The following MCTP2 variants were observed in gnomAD, a reference collection of about 807,000 sequenced individuals.
MCTP2 encodes multiple C2 and transmembrane domain containing 2.
Under a neutral mutation model 111.6 loss-of-function variants are expected in MCTP2, and 132 were observed. The observed-to-expected ratio is 1.18, with a 90% CI of 1.03 to 1.37. MCTP2 has a LOEUF of 1.37. Among genes scored for constraint, MCTP2 ranks in the 40% most tolerant of loss-of-function variants. The pLI, the probability that MCTP2 is intolerant of heterozygous loss-of-function variation, is 0.00. For synonymous variants in MCTP2, 395 were observed against 387.7 expected (o/e 1.02, Z -0.22); for missense variants, 1,183 against 1,067.9 (o/e 1.11, Z -1.50).
intron 10 of MCTP2, among the ~76,000 whole-genome samples, chr15:94,364,432 A>G (rs1427931691): frequency 1.3e-5 from 2 of 152,224 alleles, no homozygotes; most frequent in East Asian, 1.9e-4. Flanking sequence ...CTAGAAAGAC[A>G]TAAGAGCCCA....
chr15:94,432,501 G>C, intron 17 of MCTP2, among the ~76,000 whole-genome samples: 1 of 152,044 alleles, frequency 6.6e-6, no homozygotes, highest in Non-Finnish European at 1.5e-5. Flanking sequence ...GGCCATGTTG[G>C]CTAGATTCCC....
intron 1 of MCTP2, among the ~76,000 whole-genome samples, chr15:94,246,074 A>T (rs2071981199): frequency 1.3e-5 from 2 of 151,976 alleles, no homozygotes; most frequent in Admixed American, 6.6e-5. Flanking sequence ...GGGACTGGCA[A>T]AGGCTTGGGG....
intron 10 of MCTP2, among the ~76,000 whole-genome samples, chr15:94,365,840 G>T (rs1567538219): frequency 6.6e-6 from 1 of 152,086 alleles, no homozygotes; most frequent in Non-Finnish European, 1.5e-5. Context: ...AAAAGAATGT[G>T]CCATCAATAG....
At chr15:94,402,733 G>A (rs964059478) in intron 17 of MCTP2, 43 of 1,436,858 alleles carry the variant, frequency 3.0e-5, no homozygotes, top group Non-Finnish European at 3.9e-5. Flanking sequence ...AATTGGTAAT[G>A]TCAGCCATGG....
At chr15:94,462,934 T>C (rs914780197) in intron 20 of MCTP2, among the ~76,000 whole-genome samples, 2 of 152,248 alleles carry the variant, frequency 1.3e-5, no homozygotes, top group Non-Finnish European at 2.9e-5. Context: ...GACTTGACTT[T>C]CTTCTTGTGT....
chr15:94,307,248 G>T (rs77771633), intron 2 of MCTP2, among the ~76,000 whole-genome samples: 1 of 152,196 alleles, frequency 6.6e-6, no homozygotes, highest in Non-Finnish European at 1.5e-5. Context: ...GTGTCATGGA[G>T]AGAAAGAAAG....
intron 1 of MCTP2, among the ~76,000 whole-genome samples, chr15:94,233,219 G>T (rs745359396): frequency 3.0e-4 from 45 of 152,094 alleles, no homozygotes; most frequent in Admixed American, 6.5e-4. Flanking sequence ...GTGTGGTCAA[G>T]CTGTGACCTA....
intron 12 of MCTP2, among the ~76,000 whole-genome samples, chr15:94,383,005 G>C (rs2080239221): frequency 6.6e-6 from 1 of 152,252 alleles, no homozygotes; most frequent in South Asian, 2.1e-4. Context: ...GCAAATATGG[G>C]AGATAGCGTA....
intron 17 of MCTP2, among the ~76,000 whole-genome samples, chr15:94,410,490 C>CA (rs1433438911): frequency 6.6e-6 from 1 of 151,526 alleles, no homozygotes; most frequent in Admixed American, 6.6e-5. Flanking sequence ...CTTTCAGAGA[C>CA]AGAGGCGGAG....
intron 1 of MCTP2, among the ~76,000 whole-genome samples, chr15:94,250,209 C>T (rs567436635): frequency 2.8e-4 from 43 of 152,242 alleles, no homozygotes; most frequent in African/African-American, 1.0e-3. Flanking sequence ...TTAATGGCTG[C>T]ATTAGTGAAA....
intron 1 of MCTP2, among the ~76,000 whole-genome samples, chr15:94,242,948 TA>T (rs2071099578): frequency 7.4e-6 from 1 of 135,728 alleles, no homozygotes; most frequent in Non-Finnish European, 1.6e-5. Context: ...TATATGTAGA[TA>T]CACATATACA....
intron 1 of MCTP2, among the ~76,000 whole-genome samples, chr15:94,243,429 G>A (rs1263003257): frequency 1.4e-5 from 2 of 147,320 alleles, no homozygotes; most frequent in African/African-American, 5.0e-5. Flanking sequence ...GCGTATATGC[G>A]TATGTACATA....
chr15:94,399,807 C>G (rs1438982711), intron 15 of MCTP2, 114 bp from the exon 16 acceptor site: 1 of 854,698 alleles, frequency 1.2e-6, no homozygotes, highest in East Asian at 2.4e-5. Flanking sequence ...TTGCTCCCTG[C>G]TAAGGTCAGA....
chr15:94,293,226 A>G (rs2075109890), intron 1 of MCTP2, among the ~76,000 whole-genome samples: 1 of 152,162 alleles, frequency 6.6e-6, no homozygotes, highest in African/African-American at 2.4e-5. Context: ...TATCAAAATT[A>G]AAAACTTTTA....
chr15:94,318,858 CA>C (rs1450018252), intron 4 of MCTP2, among the ~76,000 whole-genome samples: 7 of 152,182 alleles, frequency 4.6e-5, no homozygotes, highest in Non-Finnish European at 8.8e-5. Context: ...GCTCTAACCC[CA>C]GCCATTGTCA....
At chr15:94,280,144 A>G (rs140297982) in intron 1 of MCTP2, among the ~76,000 whole-genome samples, 3 of 152,240 alleles carry the variant, frequency 2.0e-5, no homozygotes, top group East Asian at 3.9e-4. Flanking sequence ...TTGATTTTTT[A>G]AAAATAATTT....
chr15:94,244,314 A>T (rs574352961), intron 1 of MCTP2, among the ~76,000 whole-genome samples: 1 of 148,636 alleles, frequency 6.7e-6, no homozygotes, highest in Admixed American at 6.7e-5. Flanking sequence ...TTATATACAC[A>T]TATGTATACA....
At chr15:94,293,497 G>A (rs996805132) in intron 1 of MCTP2, among the ~76,000 whole-genome samples, 3 of 152,136 alleles carry the variant, frequency 2.0e-5, no homozygotes, top group Non-Finnish European at 4.4e-5. Context: ...AAACCCAGAT[G>A]TTGATAATAC....
intron 22 of MCTP2, 143 bp downstream of exon 22, chr15:94,476,936 A>G (rs2074413715): frequency 1.7e-6 from 1 of 578,732 alleles, no homozygotes; most frequent in South Asian, 2.1e-5. Context: ...GCTTGCAGAG[A>G]AGTGGCAGAA....
Sources: allele counts gnomAD v4.1 joint callset (sites outside exome capture counted in the v4.1 genomes callset), GRCh38; gene constraint gnomAD v4.1.1; transcripts MANE v1.5; gene names NCBI Gene and HGNC (gene_info 2026-07-23, HGNC 2026-07-21).